Variants in GPM6A observed in about 807,000 individuals in gnomAD.
GPM6A encodes neuronal membrane glycoprotein M6-a.
A neutral mutation model predicts 32.1 loss-of-function variants in GPM6A; 7 were observed. The ratio of observed to expected loss-of-function variants is 0.22; its 90% CI spans 0.12 to 0.41. GPM6A has a LOEUF of 0.41. Ranked by LOEUF, GPM6A falls within the 10% of genes least tolerant of loss-of-function variation. GPM6A has a pLI of 1.00. For synonymous variants in GPM6A, 130 were observed against 123.4 expected (o/e 1.05, Z -0.35); for missense variants, 235 against 347.2 (o/e 0.68, Z 2.57).
chr4:175,792,427 A>G (rs1205694770), intron 1 of GPM6A, among the ~76,000 whole-genome samples: 1 of 152,198 alleles, frequency 6.6e-6, no homozygotes, highest in African/African-American at 2.4e-5. Flanking sequence ...AAATGAAGAA[A>G]ATAGCCAAAA....
At chr4:175,865,018 C>T (rs1200547102) in intron 1 of GPM6A, among the ~76,000 whole-genome samples, 1 of 152,088 alleles carries the variant, frequency 6.6e-6, no homozygotes, top group African/African-American at 2.4e-5. Context: ...ACCATGTTGG[C>T]CAGGATGGCC....
intron 1 of GPM6A, among the ~76,000 whole-genome samples, chr4:175,936,522 T>G (rs1739240894): frequency 6.6e-6 from 1 of 151,958 alleles, no homozygotes; most frequent in African/African-American, 2.4e-5. Context: ...ACACAAATCC[T>G]AGCAGCCTGC....
At chr4:175,857,659 C>T (rs1736455554) in intron 1 of GPM6A, among the ~76,000 whole-genome samples, 1 of 151,896 alleles carries the variant, frequency 6.6e-6, no homozygotes, top group East Asian at 1.9e-4. Flanking sequence ...AATGCAATAT[C>T]CATTGTTGTT....
chr4:175,959,993 C>T (rs1444844973), intron 1 of GPM6A, among the ~76,000 whole-genome samples: 2 of 152,106 alleles, frequency 1.3e-5, no homozygotes, highest in Non-Finnish European at 2.9e-5. Context: ...TTATCCACAT[C>T]CCACTTTACA....
intron 1 of GPM6A, among the ~76,000 whole-genome samples, chr4:175,896,528 C>T (rs1737797722): frequency 6.6e-6 from 1 of 152,158 alleles, no homozygotes; most frequent in East Asian, 1.9e-4. Flanking sequence ...ATTCTGTCTT[C>T]ACTCTACCCC....
At chr4:175,663,691 TA>T (rs1388418146) in intron 3 of GPM6A, among the ~76,000 whole-genome samples, 25 of 141,328 alleles carry the variant, frequency 1.8e-4, no homozygotes, top group Non-Finnish European at 3.2e-4. Context: ...TGGTAAAATG[TA>T]AATTTTTTTT....
intron 1 of GPM6A, among the ~76,000 whole-genome samples, chr4:175,708,073 A>T (rs1330264130): frequency 6.6e-6 from 1 of 152,190 alleles, no homozygotes; most frequent in Non-Finnish European, 1.5e-5. Flanking sequence ...GCCAGGTGTC[A>T]GACACTATGC....
chr4:175,636,730 A>G (rs1359593433), intron 6 of GPM6A, among the ~76,000 whole-genome samples: 3 of 150,684 alleles, frequency 2.0e-5, no homozygotes, highest in African/African-American at 7.3e-5. Flanking sequence ...TGGGAGGCAG[A>G]GGTTTCAGTG....
intron 1 of GPM6A, among the ~76,000 whole-genome samples, chr4:175,724,733 T>C (rs1746317310): frequency 6.6e-6 from 1 of 152,036 alleles, no homozygotes; most frequent in African/African-American, 2.4e-5. Context: ...GAGAATAGAA[T>C]CAGGCCTTGA....
intron 4 of GPM6A, among the ~76,000 whole-genome samples, chr4:175,649,172 T>C (rs1741641268): frequency 1.3e-5 from 2 of 152,172 alleles, no homozygotes; most frequent in South Asian, 4.1e-4. Context: ...TAGGGCTCCA[T>C]TTCTTTTAGA....
intron 1 of GPM6A, 99 bp from the exon 2 acceptor site, chr4:175,701,866 C>G (rs1744900182): frequency 1.3e-6 from 1 of 741,446 alleles, no homozygotes; most frequent in Non-Finnish European, 2.2e-6. Context: ...TTTGCACTGA[C>G]AATACCAGGT....
intron 3 of GPM6A, among the ~76,000 whole-genome samples, chr4:175,663,368 A>C (rs1403702235): frequency 1.3e-5 from 2 of 152,306 alleles, no homozygotes; most frequent in African/African-American, 2.4e-5. Context: ...GCTAAAAAGA[A>C]GTGAGCTGGA....
At chr4:175,836,654 G>A (rs1735777212) in intron 1 of GPM6A, among the ~76,000 whole-genome samples, 1 of 151,988 alleles carries the variant, frequency 6.6e-6, no homozygotes, top group African/African-American at 2.4e-5. Context: ...ATTTCCTAAG[G>A]CAGGAATATG....
At position 175,743,244 on chromosome 4, in the gene GPM6A, A is replaced by G. The variant is rs1418822332; in HGVS notation, c.38-41477T>C. 3.3e-5 allele frequency among the ~76,000 whole-genome samples: 5 copies of G among 152,040 alleles called. No homozygotes were observed. In the East Asian group the frequency reaches 7.7e-4, roughly 23 times the overall value. On this transcript the variant is annotated intron_variant, in intron 1 of 6. Transcript: ENST00000393658. Reference sequence around the variant, plus strand: ...ATAAGTACAATTAACACAAATGTCCATAATAGTTCATGATGAGGTAGGCAG... The same window carrying G: ...ATAAGTACAATTAACACAAATGTCCGTAATAGTTCATGATGAGGTAGGCAG...
chr4:175,948,381 C>T (rs1364090893), intron 1 of GPM6A, among the ~76,000 whole-genome samples: 1 of 152,158 alleles, frequency 6.6e-6, no homozygotes, highest in African/African-American at 2.4e-5. Context: ...GAGAAGATGG[C>T]CATCTGTGGG....
At chr4:175,854,311 G>C (rs997209501) in intron 1 of GPM6A, among the ~76,000 whole-genome samples, 1 of 152,086 alleles carries the variant, frequency 6.6e-6, no homozygotes, top group Non-Finnish European at 1.5e-5. Context: ...ACTAAAAGAG[G>C]AATAAAGTCA....
chr4:175,989,684 T>C (rs1741079468), intron 1 of GPM6A, among the ~76,000 whole-genome samples: 1 of 152,198 alleles, frequency 6.6e-6, no homozygotes, highest in Non-Finnish European at 1.5e-5. Context: ...GTCCACTATG[T>C]TATAATCTAT....
At chr4:175,978,699 C>T (rs1331780153) in intron 1 of GPM6A, among the ~76,000 whole-genome samples, 1 of 152,202 alleles carries the variant, frequency 6.6e-6, no homozygotes, top group South Asian at 2.1e-4. Flanking sequence ...GGCTTAGCTG[C>T]ATATTGGATT....
chr4:175,982,913 G>A (rs201085332), intron 1 of GPM6A, among the ~76,000 whole-genome samples: 1 of 151,834 alleles, frequency 6.6e-6, no homozygotes, highest in African/African-American at 2.4e-5. Context: ...TGGCTATTTT[G>A]TATTTTTCTG....
Sources: gnomAD v4.1 joint callset for allele counts (sites outside exome capture counted in the v4.1 genomes callset) on GRCh38, gnomAD v4.1.1 for gene constraint, MANE v1.5 for transcripts, NCBI Gene and HGNC (gene_info 2026-07-23, HGNC 2026-07-21) for gene names.